The following CCDC91 variants were observed in gnomAD, a reference collection of about 807,000 sequenced individuals.
CCDC91 encodes coiled-coil domain containing 91, also known as coiled-coil domain-containing protein 91.
A neutral mutation model predicts 63.2 loss-of-function variants in CCDC91; 48 were observed. The ratio of observed to expected loss-of-function variants is 0.76; its 90% CI spans 0.60 to 0.97. CCDC91 has a LOEUF of 0.97. CCDC91 is among the 50% of genes least tolerant of loss of function. The pLI is 0.00. For missense variants in CCDC91, 500 were observed against 494.6 expected (o/e 1.01, Z -0.10); for synonymous variants, 167 against 165.8 (o/e 1.01, Z -0.06).
chr12:28,347,088 C>T (rs1413602097), intron 6 of CCDC91, among the ~76,000 whole-genome samples: 1 of 152,164 alleles, frequency 6.6e-6, no homozygotes, highest in African/African-American at 2.4e-5. Context: ...GGATTTCTCA[C>T]ATCAAAAGAA....
intron 6 of CCDC91, among the ~76,000 whole-genome samples, chr12:28,339,613 GATATAT>G (rs1409423301): frequency 6.6e-6 from 1 of 152,036 alleles, no homozygotes; most frequent in Non-Finnish European, 1.5e-5. Context: ...AAATAGAGAT[GATATAT>G]AAAGTATGCA....
chr12:28,399,524 C>T (rs2139463914), intron 8 of CCDC91, among the ~76,000 whole-genome samples: 1 of 152,332 alleles, frequency 6.6e-6, no homozygotes, highest in East Asian at 1.9e-4. Flanking sequence ...TTCTAACAGT[C>T]CTGCAAAGTC....
At chr12:28,512,584 A>G (rs1269102811) in intron 12 of CCDC91, among the ~76,000 whole-genome samples, 1 of 151,874 alleles carries the variant, frequency 6.6e-6, no homozygotes, top group Non-Finnish European at 1.5e-5. Flanking sequence ...CCATTTATTT[A>G]CGTATTATTT....
At chr12:28,506,433 A>T (rs900924130) in intron 12 of CCDC91, among the ~76,000 whole-genome samples, 1 of 152,020 alleles carries the variant, frequency 6.6e-6, no homozygotes, top group Non-Finnish European at 1.5e-5. Context: ...TTTGGGTCAC[A>T]TGCTTGCCTC....
At chr12:28,458,933 T>C (rs557069676) in intron 11 of CCDC91, among the ~76,000 whole-genome samples, 9 of 152,154 alleles carry the variant, frequency 5.9e-5, no homozygotes, top group Admixed American at 1.3e-4. Flanking sequence ...ATTCTTCCAG[T>C]GCCTCCCTGT....
At chr12:28,245,145 C>T (rs576339425) in intron 1 of CCDC91, among the ~76,000 whole-genome samples, 1 of 152,178 alleles carries the variant, frequency 6.6e-6, no homozygotes, top group South Asian at 2.1e-4. Context: ...GGCTCACTCA[C>T]TATCATAAAG....
intron 3 of CCDC91, among the ~76,000 whole-genome samples, chr12:28,268,151 C>T (rs1312760165): frequency 6.6e-6 from 1 of 150,868 alleles, no homozygotes; most frequent in Non-Finnish European, 1.5e-5. Context: ...GCAACCTCTG[C>T]CTCACGGGTT....
chr12:28,424,239 A>T (rs532893268), intron 8 of CCDC91, among the ~76,000 whole-genome samples: 1 of 152,120 alleles, frequency 6.6e-6, no homozygotes, highest in East Asian at 1.9e-4. Flanking sequence ...CCTAAATCCC[A>T]TATTTTAAAT....
chr12:28,533,229 C>T (rs1485462749), intron 12 of CCDC91, among the ~76,000 whole-genome samples: 1 of 152,044 alleles, frequency 6.6e-6, no homozygotes, highest in East Asian at 1.9e-4. Context: ...TTACATATAA[C>T]ATAATTCTAT....
chr12:28,190,974 G>A (rs1220175015), intron 1 of CCDC91, among the ~76,000 whole-genome samples: 1 of 152,216 alleles, frequency 6.6e-6, no homozygotes, highest in African/African-American at 2.4e-5. Context: ...CCTACCGAAC[G>A]GAGACCTTGA....
chr12:28,293,390 T>G (rs1422921250), intron 3 of CCDC91, among the ~76,000 whole-genome samples: 1 of 152,216 alleles, frequency 6.6e-6, no homozygotes, highest in African/African-American at 2.4e-5. Flanking sequence ...CTATTATAAT[T>G]AACTGGATGG....
At chr12:28,327,508 A>G (rs1436331784) in intron 6 of CCDC91, among the ~76,000 whole-genome samples, 1 of 152,074 alleles carries the variant, frequency 6.6e-6, no homozygotes, top group Non-Finnish European at 1.5e-5. Flanking sequence ...ACCTGGTCCA[A>G]CCAATCTTTG....
chr12:28,487,026 G>A (rs1951763497), intron 12 of CCDC91, among the ~76,000 whole-genome samples: 1 of 151,906 alleles, frequency 6.6e-6, no homozygotes, highest in Non-Finnish European at 1.5e-5. Flanking sequence ...ATAACTAGCA[G>A]CATTATTGTT....
intron 8 of CCDC91, among the ~76,000 whole-genome samples, chr12:28,411,664 C>T (rs546346517): frequency 7.9e-5 from 12 of 152,058 alleles, no homozygotes; most frequent in African/African-American, 2.4e-4. Flanking sequence ...TTTTGGTGAA[C>T]GATGGACTGT....
chr12:28,258,016 C>T (rs1269187940), intron 2 of CCDC91, among the ~76,000 whole-genome samples: 1 of 150,904 alleles, frequency 6.6e-6, no homozygotes, highest in Non-Finnish European at 1.5e-5. Context: ...AATTAATGAC[C>T]TTAATAGGAT....
chr12:28,227,761 C>T (rs1337101450), intron 1 of CCDC91, among the ~76,000 whole-genome samples: 1 of 152,108 alleles, frequency 6.6e-6, no homozygotes, highest in African/African-American at 2.4e-5. Flanking sequence ...CTGTTATCTA[C>T]ATTGCCTTAT....
chr12:28,502,293 C>A (rs1565485292), intron 12 of CCDC91, among the ~76,000 whole-genome samples: 1 of 151,902 alleles, frequency 6.6e-6, no homozygotes, highest in Non-Finnish European at 1.5e-5. Flanking sequence ...CAATAACAGA[C>A]AAACAGAGAG....
At chr12:28,239,554 T>C (rs1462740002) in intron 1 of CCDC91, among the ~76,000 whole-genome samples, 1 of 147,334 alleles carries the variant, frequency 6.8e-6, no homozygotes, top group Non-Finnish European at 1.5e-5. Context: ...TGTTAATGTG[T>C]GAAGTCATCA....
intron 1 of CCDC91, among the ~76,000 whole-genome samples, chr12:28,211,622 G>T (rs1943238339): frequency 6.6e-6 from 1 of 152,148 alleles, no homozygotes. Flanking sequence ...GTAAGATTTT[G>T]TCATTTCTGT....
Sources: gnomAD v4.1 joint callset for allele counts (sites outside exome capture counted in the v4.1 genomes callset) on GRCh38, gnomAD v4.1.1 for gene constraint, MANE v1.5 for transcripts, NCBI Gene and HGNC (gene_info 2026-07-23, HGNC 2026-07-21) for gene names.